Variants in NFATC2 observed in about 807,000 individuals in gnomAD.
The protein encoded by NFATC2 is nuclear factor of activated T cells 2, also known as nuclear factor of activated T-cells, cytoplasmic 2.
In NFATC2, 22 loss-of-function variants were observed where a neutral mutation model predicts 87.3. The ratio of observed to expected loss-of-function variants is 0.25; its 90% CI spans 0.18 to 0.36. The LOEUF is 0.36. Among genes scored for constraint, NFATC2 ranks in the 10% least tolerant of loss-of-function variants. NFATC2 has a pLI of 1.00. For synonymous variants in NFATC2, 565 were observed against 542.2 expected (o/e 1.04, Z -0.58); for missense variants, 1,149 against 1,259.1 (o/e 0.91, Z 1.32).
chr20:51,425,416 G>A (rs1981644501), intron 9 of NFATC2, among the ~76,000 whole-genome samples: 3 of 152,238 alleles, frequency 2.0e-5, no homozygotes, highest in Admixed American at 6.5e-5. Flanking sequence ...CTCAGACCGG[G>A]CTCTCCAGGT....
At chr20:51,558,062 C>G (rs748124954) in intron 1 of NFATC2, among the ~76,000 whole-genome samples, 12 of 152,130 alleles carry the variant, frequency 7.9e-5, no homozygotes, top group Admixed American at 5.9e-4. Context: ...GGAACCTGGC[C>G]GGCCATGGTA....
chr20:51,507,504 G>A (rs1485820304), intron 3 of NFATC2, among the ~76,000 whole-genome samples: 1 of 152,198 alleles, frequency 6.6e-6, no homozygotes, highest in Non-Finnish European at 1.5e-5. Context: ...AACAACAGAT[G>A]AAATGCCTTC....
intron 9 of NFATC2, among the ~76,000 whole-genome samples, chr20:51,427,405 T>C (rs2024581): frequency 0.73 from 111,202 of 152,016 alleles, 40,820 homozygotes; most frequent in South Asian, 0.84. Flanking sequence ...ACCTGTGTAT[T>C]GATCACATTT....
At chr20:51,483,611 C>G (rs1989462469) in intron 3 of NFATC2, among the ~76,000 whole-genome samples, 1 of 149,262 alleles carries the variant, frequency 6.7e-6, no homozygotes, top group Non-Finnish European at 1.5e-5. Context: ...CCCTCTCCCC[C>G]CCACCACACA....
At chr20:51,479,435 T>G (rs535838532) in intron 3 of NFATC2, among the ~76,000 whole-genome samples, 2 of 152,126 alleles carry the variant, frequency 1.3e-5, no homozygotes, top group East Asian at 3.9e-4. Flanking sequence ...GTGGACAACA[T>G]GGCCTGACCC....
At chr20:51,474,899 C>G (rs1988566948) in intron 4 of NFATC2, among the ~76,000 whole-genome samples, 1 of 151,826 alleles carries the variant, frequency 6.6e-6, no homozygotes, top group Non-Finnish European at 1.5e-5. Flanking sequence ...TGATCCCATG[C>G]AACATAACAC....
intron 2 of NFATC2, among the ~76,000 whole-genome samples, chr20:51,517,738 G>A (rs1443069485): frequency 2.6e-5 from 4 of 152,026 alleles, no homozygotes; most frequent in Non-Finnish European, 4.4e-5. Context: ...CCAACATGGC[G>A]AAACCCTGTC....
chr20:51,418,118 T>C (rs79369984), intron 9 of NFATC2, among the ~76,000 whole-genome samples: 1 of 152,188 alleles, frequency 6.6e-6, no homozygotes, highest in Non-Finnish European at 1.5e-5. Flanking sequence ...GGCGGTGCCA[T>C]GGGGAGACAC....
chr20:51,410,573 G>A (rs909259089), intron 9 of NFATC2, among the ~76,000 whole-genome samples: 1 of 151,956 alleles, frequency 6.6e-6, no homozygotes, highest in Non-Finnish European at 1.5e-5. Flanking sequence ...GGAGAGAAAG[G>A]GAGGGAGAGA....
In NFATC2 at chr20:51,433,427, C is replaced by A. The variant is rs577177362; in HGVS notation, c.2033-671G>T. On this transcript the variant is annotated intron_variant, in intron 8 of 10. Transcript: ENST00000371564. ...TACCTGGCAGGAACAATCATACCTA[C>A]CCCCACGAGATCACTGGGAGGATTA... 1.8e-4 allele frequency among the ~76,000 whole-genome samples: 27 copies of A among 152,286 alleles called. No individual in the cohort carries two copies. The South Asian group carries it at 5.4e-3, about 30-fold the overall frequency.
chr20:51,508,708 G>C lies in NFATC2; in HGVS notation c.1332+8076C>G, dbSNP rs1471027571. 6.6e-5 allele frequency among the ~76,000 whole-genome samples: 10 copies of C among 152,056 alleles called. No individual in the cohort carries two copies. In the East Asian group the frequency reaches 1.9e-3, roughly 29 times the overall value. ...TCGGCAGGGATGAACAGGGTCCCTA[G>C]AGACTCTGGCCTTTCCCAAGGCTAC... On this transcript the variant is annotated intron_variant, in intron 3 of 10. Transcript: ENST00000371564.
At chr20:51,471,929 C>A (rs55769400) in intron 5 of NFATC2, among the ~76,000 whole-genome samples, 10,546 of 152,212 alleles carry the variant, frequency 0.069, 417 homozygotes, top group Middle Eastern at 0.12. Context: ...ACCTGTGTAA[C>A]AAACCTGTAC....
At chr20:51,434,240 T>G (rs1207631486) in intron 8 of NFATC2, among the ~76,000 whole-genome samples, 3 of 67,538 alleles carry the variant, frequency 4.4e-5, no homozygotes, top group African/African-American at 1.9e-4. Context: ...GCCAGGGCAG[T>G]CAAGCTCACC....
chr20:51,424,395 G>A (rs1381846742), intron 9 of NFATC2, among the ~76,000 whole-genome samples: 4 of 152,300 alleles, frequency 2.6e-5, no homozygotes, highest in African/African-American at 9.6e-5. Flanking sequence ...GGAGGAGGAG[G>A]AAAATGTCAC....
intron 10 of NFATC2, among the ~76,000 whole-genome samples, chr20:51,396,316 C>T (rs1305854658): frequency 6.6e-6 from 1 of 151,968 alleles, no homozygotes; most frequent in Non-Finnish European, 1.5e-5. Flanking sequence ...TCCCAAACTT[C>T]AGTTTGCAGC....
At position 51,542,618 on chromosome 20, in the gene NFATC2, G is replaced by A; in HGVS notation, c.-119C>T. The A allele has an allele frequency of 8.2e-7, 1 of 1,215,964 alleles. No homozygotes were observed. Among genetic ancestry groups the A allele is most frequent in the Non-Finnish European group, 1.0e-6 (1 of 973,988 alleles). The allele number at this position is 1,215,964 out of a possible 1,614,324, so 75.3% of individuals were successfully genotyped here. A position where few individuals can be genotyped will look rare whatever the true frequency, so the allele number is the denominator to read the frequency against. Reference sequence around the variant, plus strand: ...AGCGGCGGGGTCCCTTTCCTCGTAGGGACGCACGCCGGGTCCGGGGACGGC... The same window carrying A: ...AGCGGCGGGGTCCCTTTCCTCGTAGAGACGCACGCCGGGTCCGGGGACGGC... On this transcript the variant is annotated 5_prime_UTR_variant, in exon 1 of 11. Transcript: ENST00000371564.
chr20:51,448,157 C>T (rs1327516527), intron 6 of NFATC2, among the ~76,000 whole-genome samples: 1 of 152,198 alleles, frequency 6.6e-6, no homozygotes, highest in Admixed American at 6.5e-5. Context: ...GATAAATGAA[C>T]AGACAGACAA....
upstream of NFATC2, among the ~76,000 whole-genome samples, chr20:51,543,360 A>G (rs6021279): frequency 0.036 from 5,543 of 152,298 alleles, 332 homozygotes; most frequent in African/African-American, 0.13. Context: ...GAAACAGGAC[A>G]AAAAGCATCT....
At chr20:51,477,535 C>CTCTATATATATA (rs1400090340) in intron 3 of NFATC2, among the ~76,000 whole-genome samples, 1 of 72,736 alleles carries the variant, frequency 1.4e-5, no homozygotes, top group African/African-American at 5.0e-5. Flanking sequence ...GTGTGTGTGT[C>CTCTATATATATA]TATATATATA....
Sources: allele counts gnomAD v4.1 joint callset (sites outside exome capture counted in the v4.1 genomes callset), GRCh38; gene constraint gnomAD v4.1.1; transcripts MANE v1.5; gene names NCBI Gene and HGNC (gene_info 2026-07-23, HGNC 2026-07-21).